NOS1AP: variants seen among roughly 807,000 people sequenced by gnomAD.
NOS1AP encodes nitric oxide synthase 1 adaptor protein, also known as carboxyl-terminal PDZ ligand of neuronal nitric oxide synthase protein.
NOS1AP carries 21 observed loss-of-function variants against 56.2 expected under a neutral mutation model. The observed-to-expected ratio is 0.37, with a 90% CI of 0.26 to 0.54. The LOEUF (loss-of-function observed/expected upper bound fraction) is 0.54, where lower values mean the gene tolerates loss of function less well. NOS1AP is among the 20% of genes least tolerant of loss of function. NOS1AP has a pLI of 0.84. For synonymous variants in NOS1AP, 270 were observed against 274.6 expected (o/e 0.98, Z 0.17); for missense variants, 522 against 657.8 (o/e 0.79, Z 2.26).
At chr1:162,316,038 T>G (rs1439329556) in intron 4 of NOS1AP, among the ~76,000 whole-genome samples, 2 of 152,202 alleles carry the variant, frequency 1.3e-5, no homozygotes, top group African/African-American at 4.8e-5. Context: ...CTTATTAAAC[T>G]TTTGCACAAT....
intron 4 of NOS1AP, among the ~76,000 whole-genome samples, chr1:162,325,540 G>A (rs567540840): frequency 6.2e-4 from 95 of 152,130 alleles, no homozygotes; most frequent in African/African-American, 2.0e-3. Context: ...AACACATTGG[G>A]CCCCCCAGAA....
chr1:162,224,855 G>T (rs1326646585), intron 2 of NOS1AP, among the ~76,000 whole-genome samples: 3 of 152,120 alleles, frequency 2.0e-5, no homozygotes, highest in Non-Finnish European at 4.4e-5. Context: ...TGTCCTGAGG[G>T]TCACTGCCTT....
chr1:162,365,484 G>A lies in NOS1AP; in HGVS notation c.1020G>A (p.Leu340=). ...AGGCTCGCGTGCATCAGCTTTTGCTGCAGAACAAGGACATGCTCCAGCACA... is the reference window on the plus strand; with the variant it reads ...AGGCTCGCGTGCATCAGCTTTTGCTACAGAACAAGGACATGCTCCAGCACA... ...EAQARVHQLL[L]QNKDMLQHIS... Residue 340 remains leucine, a synonymous_variant, in exon 9 of 10, where the codon CTG becomes CTA. Transcript: ENST00000361897. 1.2e-6 allele frequency: 2 copies of A among 1,613,966 alleles called. No homozygotes were observed. Among genetic ancestry groups the A allele is most frequent in the Non-Finnish European group, 1.7e-6 (2 of 1,180,046 alleles).
At chr1:162,215,841 C>G (rs1435841812) in intron 2 of NOS1AP, among the ~76,000 whole-genome samples, 1 of 152,224 alleles carries the variant, frequency 6.6e-6, no homozygotes, top group African/African-American at 2.4e-5. Context: ...ATTTAGAAAA[C>G]AGAGGAAAGG....
chr1:162,119,498 C>T (rs187533419), intron 1 of NOS1AP, among the ~76,000 whole-genome samples: 44 of 152,066 alleles, frequency 2.9e-4, no homozygotes, highest in Non-Finnish European at 5.1e-4. Flanking sequence ...TCTATAAAAG[C>T]CAAAAAACAA....
At chr1:162,244,063 G>A (rs536680059) in intron 2 of NOS1AP, among the ~76,000 whole-genome samples, 1 of 152,244 alleles carries the variant, frequency 6.6e-6, no homozygotes, top group Non-Finnish European at 1.5e-5. Context: ...GGCTCAATGA[G>A]GTGTATCGGG....
At chr1:162,297,769 G>A (rs1397644349) in intron 3 of NOS1AP, among the ~76,000 whole-genome samples, 4 of 152,258 alleles carry the variant, frequency 2.6e-5, no homozygotes, top group African/African-American at 4.8e-5. Context: ...CCAAGTAGAT[G>A]CACTTTACCC....
chr1:162,304,482 A>G (rs1410260091), intron 4 of NOS1AP, among the ~76,000 whole-genome samples: 2 of 152,174 alleles, frequency 1.3e-5, no homozygotes, highest in African/African-American at 4.8e-5. Flanking sequence ...TTCAATTAGT[A>G]TTAGTATCGT....
At chr1:162,114,084 C>G (rs967272230) in intron 1 of NOS1AP, among the ~76,000 whole-genome samples, 3 of 152,112 alleles carry the variant, frequency 2.0e-5, no homozygotes, top group African/African-American at 7.2e-5. Context: ...TAAGGTGGCA[C>G]AGTGTTTGGA....
chr1:162,147,938 G>A (rs1246958429), intron 1 of NOS1AP, among the ~76,000 whole-genome samples: 1 of 152,106 alleles, frequency 6.6e-6, no homozygotes, highest in African/African-American at 2.4e-5. Flanking sequence ...TGGAAGGGGG[G>A]GATGCAGGAA....
At chr1:162,148,859 A>T (rs1346544021) in intron 1 of NOS1AP, among the ~76,000 whole-genome samples, 1 of 152,182 alleles carries the variant, frequency 6.6e-6, no homozygotes, top group South Asian at 2.1e-4. Context: ...GGATCAGGTA[A>T]TGGCAGTGTA....
At chr1:162,109,720 T>C (rs983631720) in intron 1 of NOS1AP, among the ~76,000 whole-genome samples, 1 of 152,086 alleles carries the variant, frequency 6.6e-6, no homozygotes, top group Non-Finnish European at 1.5e-5. Context: ...GTTTCATTTT[T>C]ATAATGTCTT....
At chr1:162,090,948 T>G (rs1341913768) in intron 1 of NOS1AP, among the ~76,000 whole-genome samples, 2 of 152,228 alleles carry the variant, frequency 1.3e-5, no homozygotes, top group Non-Finnish European at 2.9e-5. Context: ...GGATTTGACC[T>G]TGTTACTTTT....
chr1:162,192,075 A>AT (rs1414148603), intron 2 of NOS1AP, among the ~76,000 whole-genome samples: 1 of 152,140 alleles, frequency 6.6e-6, no homozygotes, highest in Non-Finnish European at 1.5e-5. Flanking sequence ...TGAAAATGTG[A>AT]TCCCCAGACC....
At chr1:162,135,797 T>A (rs1250127436) in intron 1 of NOS1AP, among the ~76,000 whole-genome samples, 1 of 152,238 alleles carries the variant, frequency 6.6e-6, no homozygotes, top group African/African-American at 2.4e-5. Flanking sequence ...GTGCATGTAG[T>A]GGACCACGTT....
chr1:162,278,792 T>A (rs1557860747), intron 2 of NOS1AP, among the ~76,000 whole-genome samples: 1 of 152,106 alleles, frequency 6.6e-6, no homozygotes, highest in African/African-American at 2.4e-5. Flanking sequence ...ATAATGGATG[T>A]GTATATTTTG....
chr1:162,168,812 T>C (rs766598665), intron 2 of NOS1AP, among the ~76,000 whole-genome samples: 1 of 152,148 alleles, frequency 6.6e-6, no homozygotes, highest in Admixed American at 6.5e-5. Context: ...CAAAAAGTTA[T>C]TTCGATAATA....
intron 6 of NOS1AP, 114 bp from the exon 7 acceptor site, chr1:162,355,073 C>A: frequency 2.6e-6 from 3 of 1,167,810 alleles, no homozygotes; most frequent in Admixed American, 1.7e-5. Context: ...GAAAATGTTA[C>A]AAAGCCAGTG....
At chr1:162,130,615 T>C (rs1648708890) in intron 1 of NOS1AP, among the ~76,000 whole-genome samples, 1 of 152,188 alleles carries the variant, frequency 6.6e-6, no homozygotes, top group Admixed American at 6.5e-5. Context: ...AGAGTAAGAC[T>C]TATTTAAGGC....
Sources: gnomAD v4.1 joint callset for allele counts (sites outside exome capture counted in the v4.1 genomes callset) on GRCh38, gnomAD v4.1.1 for gene constraint, MANE v1.5 for transcripts, NCBI Gene and HGNC (gene_info 2026-07-23, HGNC 2026-07-21) for gene names.